ADGB: variants seen among roughly 807,000 people sequenced by gnomAD.
The protein encoded by ADGB is calpain-7-like protein.
Under a neutral mutation model 210.5 loss-of-function variants are expected in ADGB, and 172 were observed. The ratio of observed to expected loss-of-function variants is 0.82; its 90% CI spans 0.72 to 0.93. ADGB has a LOEUF of 0.93. Among genes scored for constraint, ADGB ranks in the 40% least tolerant of loss-of-function variants. The probability of loss-of-function intolerance (pLI) is 0.00; values close to 1 mark genes in which losing one functional copy is unlikely to be tolerated. For synonymous variants in ADGB, 658 were observed against 662.7 expected (o/e 0.99, Z 0.11); for missense variants, 2,025 against 1,964.8 (o/e 1.03, Z -0.58).
At chr6:146,726,456 C>G (rs1345912610) in intron 19 of ADGB, among the ~76,000 whole-genome samples, 2 of 152,158 alleles carry the variant, frequency 1.3e-5, no homozygotes, top group Admixed American at 6.5e-5. Context: ...AACTCCTGAC[C>G]TTGTGATCTG....
At position 146,740,489 on chromosome 6, in the gene ADGB, G is replaced by A; in HGVS notation, c.2919G>A (p.Leu973=). ...RLMFKSKCKS[L]ESYPCYQDEE... ...TGTTTAAAAGCAAGTGCAAGTCTTT[G>A]GAATCTTATCCATGCTATCAAGATG... The change falls in exon 24 of 36, where the codon TTG becomes TTA. Residue 973 remains leucine (L), a synonymous_variant. Transcript: ENST00000397944. The A allele has an allele frequency of 6.5e-7, 1 of 1,546,828 alleles. No individual in the cohort carries two copies. The highest frequency in any genetic ancestry group is 1.2e-5 in the South Asian group (1 of 83,404).
At chr6:146,803,199 C>G (rs1343744696) in intron 35 of ADGB, 15 of 1,515,868 alleles carry the variant, frequency 9.9e-6, no homozygotes, top group African/African-American at 5.5e-5. Context: ...TCTCCAGAAA[C>G]TTAAAGCTAC....
chr6:146,744,057 C>T (rs1179464159), intron 25 of ADGB, among the ~76,000 whole-genome samples: 2 of 152,112 alleles, frequency 1.3e-5, no homozygotes, highest in South Asian at 2.1e-4. Flanking sequence ...TCCAAACAAC[C>T]TTTGTCCCTG....
At chr6:146,780,674 C>A (rs1448510652) in intron 29 of ADGB, among the ~76,000 whole-genome samples, 1 of 152,034 alleles carries the variant, frequency 6.6e-6, no homozygotes, top group Non-Finnish European at 1.5e-5. Flanking sequence ...ATAAACCTAA[C>A]AACAGAATTC....
intron 1 of ADGB, among the ~76,000 whole-genome samples, chr6:146,609,322 G>T (rs1780673508): frequency 6.6e-6 from 1 of 152,080 alleles, no homozygotes; most frequent in Non-Finnish European, 1.5e-5. Flanking sequence ...TTGCTTCTTT[G>T]TCCAACTTAC....
chr6:146,601,842 A>T (rs977747026), intron 1 of ADGB, among the ~76,000 whole-genome samples: 1 of 152,168 alleles, frequency 6.6e-6, no homozygotes, highest in African/African-American at 2.4e-5. Context: ...ACTAGCACAT[A>T]AAAAAAGTCA....
chr6:146,748,164 A>G (rs1309952836), intron 26 of ADGB, among the ~76,000 whole-genome samples: 1 of 152,114 alleles, frequency 6.6e-6, no homozygotes, highest in African/African-American at 2.4e-5. Context: ...GACGTGGAAT[A>G]TGGAAAAAAA....
chr6:146,664,326 G>T lies in ADGB; in HGVS notation c.738G>T (p.Lys246Asn). 1 of 1,548,022 alleles carries T rather than the reference G, an allele frequency of 6.5e-7. No individual in the cohort carries two copies. The highest frequency in any genetic ancestry group is 8.7e-7 in the Non-Finnish European group (1 of 1,145,402). Reference sequence around the variant, plus strand: ...TGCTTTTGTCTAAAGCTATTATCAAGCTGGCAAATATTGAGTATGTAATGA... The same window carrying T: ...TGCTTTTGTCTAAAGCTATTATCAATCTGGCAAATATTGAGTATGTAATGA... ...WPMLLSKAII[K>N]LANIDIHVAD... Residue 246 changes from lysine to asparagine, a missense_variant, in exon 6 of 36, where the codon AAG becomes AAT. Coordinates refer to ENST00000397944, the MANE Select transcript of ADGB (RefSeq NM_024694.4).
intron 9 of ADGB, 54 bp downstream of exon 9, chr6:146,676,495 T>C: frequency 4.9e-6 from 6 of 1,217,740 alleles, no homozygotes; most frequent in Non-Finnish European, 6.4e-6. Context: ...CTTAAAATGC[T>C]GGAAAACCTT....
chr6:146,630,274 C>A (rs893367290), intron 1 of ADGB, among the ~76,000 whole-genome samples: 8 of 151,882 alleles, frequency 5.3e-5, no homozygotes, highest in East Asian at 1.9e-4. Flanking sequence ...AGAAAGAAAG[C>A]AAGCTGGGCA....
chr6:146,754,199 A>T (rs1480256282), intron 27 of ADGB, among the ~76,000 whole-genome samples: 3 of 151,282 alleles, frequency 2.0e-5, no homozygotes, highest in African/African-American at 7.2e-5. Flanking sequence ...AGGATTTTTT[A>T]AATTTTTAAA....
At chr6:146,684,986 T>A (rs1776204360) in intron 9 of ADGB, among the ~76,000 whole-genome samples, 1 of 152,072 alleles carries the variant, frequency 6.6e-6, no homozygotes, top group Non-Finnish European at 1.5e-5. Flanking sequence ...TGTTCTGTGG[T>A]CTTAAAGATA....
At chr6:146,785,142 C>T (rs1226335686) in intron 31 of ADGB, among the ~76,000 whole-genome samples, 2 of 152,156 alleles carry the variant, frequency 1.3e-5, no homozygotes, top group South Asian at 2.1e-4. Flanking sequence ...TGCTTTACTA[C>T]ACTTTGCGCA....
In ADGB at chr6:146,685,725, G is replaced by C; in HGVS notation, c.1217-9G>C. ...AATTTTCACAACATAATGTATGTTTGTTTTACAGGTTCTTCTGCAATACAG... is the reference window on the plus strand; with the variant it reads ...AATTTTCACAACATAATGTATGTTTCTTTTACAGGTTCTTCTGCAATACAG... On this transcript the variant is annotated splice_polypyrimidine_tract_variant and intron_variant, in intron 9 of 35. Transcript: ENST00000397944. The C allele has an allele frequency of 6.8e-7, 1 of 1,476,708 alleles. No individual in the cohort carries two copies. The highest frequency in any genetic ancestry group is 9.0e-7 in the Non-Finnish European group (1 of 1,107,840). The allele number at this position is 1,476,708 out of a possible 1,614,324, so 91.5% of individuals were successfully genotyped here.
chr6:146,624,333 G>A (rs1314552039), intron 1 of ADGB, among the ~76,000 whole-genome samples: 1 of 151,716 alleles, frequency 6.6e-6, no homozygotes, highest in Non-Finnish European at 1.5e-5. Flanking sequence ...TCATGGAATT[G>A]ATAACTTTAT....
At chr6:146,790,730 G>A (rs1194179742) in intron 33 of ADGB, among the ~76,000 whole-genome samples, 1 of 152,118 alleles carries the variant, frequency 6.6e-6, no homozygotes. Context: ...TGGATCATGT[G>A]GTAATTCTAC....
chr6:146,801,145 A>C, intron 33 of ADGB, 38 bp from the exon 34 acceptor site: 1 of 1,179,936 alleles, frequency 8.5e-7, no homozygotes, highest in Non-Finnish European at 1.2e-6. Context: ...TATTTTTTAA[A>C]GCCTAGGTTT....
At chr6:146,638,780 T>C (rs1775465986) in intron 2 of ADGB, 1 of 151,854 alleles carries the variant, frequency 6.6e-6, no homozygotes, top group Non-Finnish European at 1.5e-5. Flanking sequence ...CTTAGAGTTA[T>C]TTCTAAACAG....
chr6:146,784,816 G>T, intron 31 of ADGB, 22 bp downstream of exon 31: 1 of 1,537,508 alleles, frequency 6.5e-7, no homozygotes, highest in Non-Finnish European at 8.8e-7. Flanking sequence ...TCGAAAAGCT[G>T]TCATCTTTTA....
Sources: allele counts gnomAD v4.1 joint callset (sites outside exome capture counted in the v4.1 genomes callset), GRCh38; gene constraint gnomAD v4.1.1; transcripts MANE v1.5; gene names NCBI Gene and HGNC (gene_info 2026-07-23, HGNC 2026-07-21).